KCNIP3: variants seen among roughly 807,000 people sequenced by gnomAD.
KCNIP3 encodes the protein calsenilin.
KCNIP3 carries 28 observed loss-of-function variants against 35.0 expected under a neutral mutation model. The ratio of observed to expected loss-of-function variants is 0.80; its 90% CI spans 0.59 to 1.10. The LOEUF (loss-of-function observed/expected upper bound fraction) is 1.10. KCNIP3 is among the 50% of genes least tolerant of loss of function. The pLI is 0.00. For missense variants in KCNIP3, 295 were observed against 338.4 expected, an observed-to-expected ratio of 0.87 and a Z score of 1.01; for synonymous variants, 134 against 133.8, an observed-to-expected ratio of 1.00 and a Z score of -0.01.
intron 2 of KCNIP3, among the ~76,000 whole-genome samples, chr2:95,325,870 T>TACACTCAGACATACAC (rs1678750800): frequency 7.4e-6 from 1 of 135,220 alleles, no homozygotes; most frequent in Non-Finnish European, 1.6e-5. Context: ...CAGGCACACA[T>TACACTCAGACATACAC]ACACTCAGAC....
At chr2:95,343,913 C>A (rs549782727) in intron 2 of KCNIP3, among the ~76,000 whole-genome samples, 1 of 151,890 alleles carries the variant, frequency 6.6e-6, no homozygotes, top group Non-Finnish European at 1.5e-5. Context: ...AAAGCAATTT[C>A]CTCTGAAAAC....
chr2:95,308,878 C>T (rs1267195521), intron 1 of KCNIP3, among the ~76,000 whole-genome samples: 4 of 152,336 alleles, frequency 2.6e-5, no homozygotes, highest in African/African-American at 7.2e-5. Flanking sequence ...AGCTGCTTGA[C>T]GGCCCCGTCC....
chr2:95,325,665 T>C (rs1196480306), intron 2 of KCNIP3, among the ~76,000 whole-genome samples: 1 of 133,642 alleles, frequency 7.5e-6, no homozygotes. Flanking sequence ...AGATACACAC[T>C]CATACACATA....
At chr2:95,335,523 T>C (rs1419219211) in intron 2 of KCNIP3, among the ~76,000 whole-genome samples, 1 of 152,200 alleles carries the variant, frequency 6.6e-6, no homozygotes, top group Non-Finnish European at 1.5e-5. Context: ...AGGTTTTCTC[T>C]TTACCTCTAA....
chr2:95,310,841 C>T (rs772001913), intron 2 of KCNIP3: 3 of 398,164 alleles, frequency 7.5e-6, no homozygotes, highest in Non-Finnish European at 1.4e-5. Context: ...GCCCACTGCT[C>T]ACGCCCTGAG....
At chr2:95,332,923 G>T (rs138654471) in intron 2 of KCNIP3, among the ~76,000 whole-genome samples, 2 of 152,258 alleles carry the variant, frequency 1.3e-5, no homozygotes, top group African/African-American at 4.8e-5. Context: ...ATCCTTGGGG[G>T]TCTTCCAGAC....
chr2:95,307,451 A>G (rs1033593461), intron 1 of KCNIP3, among the ~76,000 whole-genome samples: 4 of 152,232 alleles, frequency 2.6e-5, no homozygotes, highest in African/African-American at 9.6e-5. Flanking sequence ...GCATGTCCCA[A>G]AACTTCTCAG....
chr2:95,302,804 T>C (rs1343972747), intron 1 of KCNIP3, among the ~76,000 whole-genome samples: 1 of 152,118 alleles, frequency 6.6e-6, no homozygotes, highest in Non-Finnish European at 1.5e-5. Context: ...CCACCTGCCT[T>C]CGATCTCCTG....
At chr2:95,359,954 C>T (rs1034188256) in intron 2 of KCNIP3, among the ~76,000 whole-genome samples, 40 of 152,234 alleles carry the variant, frequency 2.6e-4, no homozygotes, top group Non-Finnish European at 5.9e-5. Flanking sequence ...TTCTCCCTTC[C>T]TAGAGCTCTG....
At chr2:95,299,227 G>C (rs1677957535) in intron 1 of KCNIP3, 1 of 152,294 alleles carries the variant, frequency 6.6e-6, no homozygotes, top group Non-Finnish European at 1.5e-5. Context: ...CCTGTGGCTG[G>C]CCTGGCCAGG....
chr2:95,299,821 C>G (rs1377157970), intron 1 of KCNIP3, among the ~76,000 whole-genome samples: 1 of 152,258 alleles, frequency 6.6e-6, no homozygotes, highest in African/African-American at 2.4e-5. Flanking sequence ...GGCTCTGCCT[C>G]AGCCCTCCAG....
intron 2 of KCNIP3, among the ~76,000 whole-genome samples, chr2:95,337,088 A>G (rs1478136592): frequency 6.6e-6 from 1 of 152,036 alleles, no homozygotes; most frequent in Non-Finnish European, 1.5e-5. Context: ...GACCCCCATC[A>G]TCTCAAATGT....
chr2:95,309,701 G>C (rs997239423), intron 1 of KCNIP3, among the ~76,000 whole-genome samples: 2 of 152,154 alleles, frequency 1.3e-5, no homozygotes, highest in Non-Finnish European at 2.9e-5. Flanking sequence ...TAGGATTACA[G>C]GCGTGAACCA....
chr2:95,383,171 C>A, intron 7 of KCNIP3, 61 bp from the exon 8 acceptor site: 2 of 1,345,486 alleles, frequency 1.5e-6, no homozygotes, highest in Non-Finnish European at 2.0e-6. Flanking sequence ...CGTCCTCAGG[C>A]CAGGGGCGGG....
In KCNIP3 at chr2:95,310,532, G is replaced by C; in HGVS notation, c.181+12G>C. Reference sequence around the variant, plus strand: ...CCCACAGGGCTCAGGTAGGGGCCAGGGTGGGCTGTGGTCAAGGGTGGGGGT... The same window carrying C: ...CCCACAGGGCTCAGGTAGGGGCCAGCGTGGGCTGTGGTCAAGGGTGGGGGT... On this transcript the variant is annotated intron_variant, in intron 2 of 8. Transcript: ENST00000295225. 1.9e-6 allele frequency: 3 copies of C among 1,613,070 alleles called. No individual in the cohort carries two copies. Among genetic ancestry groups the C allele is most frequent in the Non-Finnish European group, 2.5e-6 (3 of 1,179,488 alleles).
At chr2:95,318,724 G>T (rs779417235) in intron 2 of KCNIP3, among the ~76,000 whole-genome samples, 44 of 152,378 alleles carry the variant, frequency 2.9e-4, no homozygotes, top group Non-Finnish European at 4.9e-4. Flanking sequence ...GGGAAGGGTT[G>T]ATATCAGGAG....
rs1287804975 is a variant in KCNIP3 at position 95,378,116 on chromosome 2, A to G, written c.447+2908A>G. Among the ~76,000 whole-genome samples the G allele has an allele frequency of 6.6e-6, 1 of 151,952 alleles. No individual in the cohort carries two copies. The highest frequency in any genetic ancestry group is 1.5e-5 in the Non-Finnish European group (1 of 67,968). On this transcript the variant is annotated intron_variant, in intron 5 of 8. Transcript: ENST00000295225. The surrounding 1 kb of genome is among the most constrained non-coding windows in gnomAD (Gnocchi z 4.0). ...ACTTGGGCATAGTAGAAATATAACA[A>G]TGTTTCTCCTTGTTTTTTAATTTTT...
intron 2 of KCNIP3, among the ~76,000 whole-genome samples, chr2:95,341,120 G>A (rs574685941): frequency 1.3e-4 from 20 of 152,250 alleles, no homozygotes; most frequent in African/African-American, 4.8e-4. Context: ...GTGGGGTCCC[G>A]TGAGAGGTGA....
rs923355367 is a variant in KCNIP3, at chr2:95,335,486, T to C, written c.181+24966T>C. Among the ~76,000 whole-genome samples the C allele has an allele frequency of 2.0e-5, 3 of 152,354 alleles. No individual in the cohort carries two copies. The South Asian group carries it at 6.2e-4, about 32-fold the overall frequency. On this transcript the variant is annotated intron_variant, in intron 2 of 8. Coordinates refer to ENST00000295225, the MANE Select transcript of KCNIP3 (RefSeq NM_013434.5). ...TATTGTTATTTCTCTGAGTACAATGTGTCTGTTTTTCTTCTGGATGCTTTT... is the reference window on the plus strand; with the variant it reads ...TATTGTTATTTCTCTGAGTACAATGCGTCTGTTTTTCTTCTGGATGCTTTT...
Sources: allele counts gnomAD v4.1 joint callset (sites outside exome capture counted in the v4.1 genomes callset), GRCh38; gene constraint gnomAD v4.1.1; non-coding constraint Gnocchi (gnomAD v3.1); transcripts MANE v1.5; gene names NCBI Gene and HGNC (gene_info 2026-07-23, HGNC 2026-07-21).